The following PTPRK variants were observed in gnomAD, a reference collection of about 807,000 sequenced individuals.
The protein encoded by PTPRK is protein tyrosine phosphatase receptor type K.
Under a neutral mutation model 178.0 loss-of-function variants are expected in PTPRK, and 75 were observed. That is an observed-to-expected ratio of 0.42 (90% CI 0.35 to 0.51). The LOEUF (loss-of-function observed/expected upper bound fraction) is 0.51. Among genes scored for constraint, PTPRK ranks in the 20% least tolerant of loss-of-function variants. The pLI, the probability that PTPRK is intolerant of heterozygous loss-of-function variation, is 0.02. For synonymous variants in PTPRK, 637 were observed against 620.6 expected, an observed-to-expected ratio of 1.03 and a Z score of -0.39; for missense variants, 1,441 against 1,797.8, an observed-to-expected ratio of 0.80 and a Z score of 3.59.
intron 7 of PTPRK, among the ~76,000 whole-genome samples, chr6:128,175,437 G>A (rs186651359): frequency 8.6e-5 from 13 of 151,848 alleles, no homozygotes; most frequent in Middle Eastern, 3.4e-3. Context: ...GGCCAATAGC[G>A]GGAGTTAGTC....
intron 3 of PTPRK, among the ~76,000 whole-genome samples, chr6:128,315,115 C>G (rs1483643006): frequency 6.6e-6 from 1 of 152,076 alleles, no homozygotes; most frequent in African/African-American, 2.4e-5. Context: ...CCTTACATTA[C>G]TAAAGTTTAC....
chr6:128,126,673 G>A (rs1299631473), intron 7 of PTPRK, among the ~76,000 whole-genome samples: 2 of 152,050 alleles, frequency 1.3e-5, no homozygotes, highest in African/African-American at 4.8e-5. Flanking sequence ...AAAATCTGGA[G>A]AGTCAGTGTC....
intron 2 of PTPRK, among the ~76,000 whole-genome samples, chr6:128,379,568 G>A (rs1234681796): frequency 6.6e-6 from 1 of 152,180 alleles, no homozygotes; most frequent in South Asian, 2.1e-4. Context: ...CATGTCATGT[G>A]GTGTAAGTGC....
At chr6:128,269,332 A>C (rs930546466) in intron 3 of PTPRK, among the ~76,000 whole-genome samples, 1 of 151,958 alleles carries the variant, frequency 6.6e-6, no homozygotes, top group Non-Finnish European at 1.5e-5. Flanking sequence ...TAAAATAAAG[A>C]CAATCCCAGC....
At chr6:128,383,670 G>A (rs999471817) in intron 2 of PTPRK, among the ~76,000 whole-genome samples, 5 of 152,060 alleles carry the variant, frequency 3.3e-5, no homozygotes, top group Admixed American at 3.3e-4. Flanking sequence ...ATTTATCATA[G>A]GTCTATGTGC....
intron 2 of PTPRK, among the ~76,000 whole-genome samples, chr6:128,375,334 C>T (rs1554243171): frequency 6.6e-6 from 1 of 151,304 alleles, no homozygotes. Flanking sequence ...TGGCAGAAGG[C>T]AAGGAGGAGC....
At chr6:128,250,840 T>G (rs944003497) in intron 3 of PTPRK, among the ~76,000 whole-genome samples, 1 of 152,180 alleles carries the variant, frequency 6.6e-6, no homozygotes, top group Non-Finnish European at 1.5e-5. Context: ...AAGACACACA[T>G]AACTGACAGG....
At chr6:127,978,840 T>G (rs545457057) in intron 25 of PTPRK, among the ~76,000 whole-genome samples, 1 of 152,136 alleles carries the variant, frequency 6.6e-6, no homozygotes, top group African/African-American at 2.4e-5. Flanking sequence ...TAATCCCTCA[T>G]AGACCTGGCA....
chr6:128,354,383 A>T (rs1442532580), intron 2 of PTPRK, among the ~76,000 whole-genome samples: 1 of 151,310 alleles, frequency 6.6e-6, no homozygotes, highest in African/African-American at 2.4e-5. Context: ...GACTACAGGC[A>T]TCCACCACCG....
At chr6:128,409,609 A>G (rs924165279) in intron 1 of PTPRK, among the ~76,000 whole-genome samples, 1 of 152,222 alleles carries the variant, frequency 6.6e-6, no homozygotes, top group Non-Finnish European at 1.5e-5. Flanking sequence ...GTGGTCTACA[A>G]TACAATCAAC....
At chr6:128,390,969 C>T (rs999759570) in intron 2 of PTPRK, among the ~76,000 whole-genome samples, 9 of 151,948 alleles carry the variant, frequency 5.9e-5, no homozygotes, top group South Asian at 2.1e-4. Flanking sequence ...TATGTCTCTA[C>T]GTGTTTTTCA....
At chr6:127,996,870 T>C in intron 17 of PTPRK, 31 bp downstream of exon 17, 1 of 1,594,392 alleles carries the variant, frequency 6.3e-7, no homozygotes, top group Non-Finnish European at 8.6e-7. Flanking sequence ...ATATAATATT[T>C]ACATTCACCA....
In PTPRK at chr6:128,067,597, G is replaced by A. The variant is rs2114942026; in HGVS notation, c.2079C>T (p.Tyr693=). ...CCAAAGGAGGGTTCCAAAAGCCTTGGTAGGTCCGATTGTCACCCACAGTGA... is the reference window on the plus strand; with the variant it reads ...CCAAAGGAGGGTTCCAAAAGCCTTGATAGGTCCGATTGTCACCCACAGTGA... ...APFTVGDNRT[Y]QGFWNPPLAP... The change falls in exon 12 of 30, where the codon TAC becomes TAT. Residue 693 remains tyrosine, a synonymous_variant. Transcript: ENST00000368226. 1 of 1,612,976 alleles carries A rather than the reference G, an allele frequency of 6.2e-7. No homozygotes were observed. Among genetic ancestry groups the A allele is most frequent in the South Asian group, 1.1e-5 (1 of 90,974 alleles).
intron 1 of PTPRK, among the ~76,000 whole-genome samples, chr6:128,414,137 T>C (rs1012390884): frequency 1.6e-4 from 25 of 152,158 alleles, no homozygotes; most frequent in Non-Finnish European, 3.1e-4. Flanking sequence ...AATATACTTA[T>C]AATAGTAAAT....
chr6:128,094,513 G>A (rs1787576994), intron 7 of PTPRK, among the ~76,000 whole-genome samples: 1 of 152,102 alleles, frequency 6.6e-6, no homozygotes, highest in Admixed American at 6.6e-5. Flanking sequence ...GAAAATTAAG[G>A]TGCTCTTAAA....
At chr6:128,100,784 C>G (rs1370619344) in intron 7 of PTPRK, among the ~76,000 whole-genome samples, 1 of 151,910 alleles carries the variant, frequency 6.6e-6, no homozygotes, top group Non-Finnish European at 1.5e-5. Context: ...AGTGTTAGAG[C>G]ATGAACTGGC....
chr6:128,208,983 A>C (rs1339712698), intron 6 of PTPRK, among the ~76,000 whole-genome samples: 1 of 152,126 alleles, frequency 6.6e-6, no homozygotes, highest in Non-Finnish European at 1.5e-5. Context: ...AAAATCTAGA[A>C]GTCTCCTTTG....
chr6:128,066,649 A>G (rs1002801268), intron 12 of PTPRK, among the ~76,000 whole-genome samples: 1 of 152,022 alleles, frequency 6.6e-6, no homozygotes. Context: ...TGGATTTTAA[A>G]TTGTGAAAAT....
intron 6 of PTPRK, among the ~76,000 whole-genome samples, chr6:128,189,870 G>A (rs1803457524): frequency 6.6e-6 from 1 of 152,086 alleles, no homozygotes; most frequent in Non-Finnish European, 1.5e-5. Context: ...GAGGCTAAGA[G>A]GAAGAAGAAA....
Sources: gnomAD v4.1 joint callset for allele counts (sites outside exome capture counted in the v4.1 genomes callset) on GRCh38, gnomAD v4.1.1 for gene constraint, MANE v1.5 for transcripts, NCBI Gene and HGNC (gene_info 2026-07-23, HGNC 2026-07-21) for gene names.